Variants in PACS1 observed in about 807,000 individuals in gnomAD.
PACS1 encodes the protein PACS-1.
PACS1 carries 24 observed loss-of-function variants against 115.0 expected under a neutral mutation model. The ratio of observed to expected loss-of-function variants is 0.21; its 90% CI spans 0.15 to 0.29. The LOEUF is 0.29. PACS1 is among the 10% of genes least tolerant of loss of function. The pLI, the probability that PACS1 is intolerant of heterozygous loss-of-function variation, is 1.00. For synonymous variants in PACS1, 453 were observed against 504.5 expected (o/e 0.90, Z 1.37); for missense variants, 838 against 1,251.2 (o/e 0.67, Z 4.98).
At chr11:66,208,883 A>G (rs1329469840) in intron 2 of PACS1, among the ~76,000 whole-genome samples, 1 of 152,198 alleles carries the variant, frequency 6.6e-6, no homozygotes. Flanking sequence ...TGCTTCAACA[A>G]TGAATGAATT....
intron 1 of PACS1, among the ~76,000 whole-genome samples, chr11:66,143,044 G>C (rs1452622142): frequency 1.3e-5 from 2 of 152,002 alleles, no homozygotes; most frequent in Non-Finnish European, 2.9e-5. Flanking sequence ...CAGTGAAAGA[G>C]GCTATTTTTC....
chr11:66,142,401 C>T (rs1017919878), intron 1 of PACS1, among the ~76,000 whole-genome samples: 1 of 152,104 alleles, frequency 6.6e-6, no homozygotes, highest in South Asian at 2.1e-4. Flanking sequence ...TCACTGCAAC[C>T]GCCACCTGAT....
intron 1 of PACS1, among the ~76,000 whole-genome samples, chr11:66,129,261 G>C (rs1320463463): frequency 2.0e-5 from 3 of 151,356 alleles, no homozygotes; most frequent in Non-Finnish European, 4.4e-5. Flanking sequence ...GTGAAACCCT[G>C]TCTCTACTGA....
At chr11:66,125,529 G>C (rs1483731324) in intron 1 of PACS1, among the ~76,000 whole-genome samples, 1 of 152,156 alleles carries the variant, frequency 6.6e-6, no homozygotes, top group Non-Finnish European at 1.5e-5. Flanking sequence ...TCTGGATTCA[G>C]AGTGATTTTC....
intron 4 of PACS1, among the ~76,000 whole-genome samples, chr11:66,211,970 T>C (rs2134701649): frequency 6.6e-6 from 1 of 152,310 alleles, no homozygotes; most frequent in South Asian, 2.1e-4. Flanking sequence ...CTTTTTTGAA[T>C]ACTCCTCAGT....
chr11:66,217,308 C>T, intron 7 of PACS1: 1 of 315,088 alleles, frequency 3.2e-6, no homozygotes, highest in Non-Finnish European at 6.2e-6. Context: ...TACTTTTCCT[C>T]CATAAGACTT....
chr11:66,113,828 A>G (rs1363786609), intron 1 of PACS1, among the ~76,000 whole-genome samples: 6 of 152,112 alleles, frequency 3.9e-5, no homozygotes, highest in Non-Finnish European at 1.5e-5. Context: ...TCCTCCCTTT[A>G]GTTCACAGAA....
rs757141627 is a variant in PACS1 at position 66,221,154 on chromosome 11, G to A, written c.1200G>A (p.Lys400=). 9.3e-6 allele frequency: 15 copies of A among 1,613,904 alleles called. No homozygotes were observed. In the African/African-American group the frequency reaches 2.0e-4, roughly 22 times the overall value. Reference sequence around the variant, plus strand: ...ACCCTGGCTGTGCTCTTCACCACAGGCCTTTCTTTGAGGGGATGTCGCAGT... The same window carrying A: ...ACCCTGGCTGTGCTCTTCACCACAGACCTTTCTTTGAGGGGATGTCGCAGT... The part of the protein sequence containing the change: ...SILSTPKPKL[K]PFFEGMSQSS... Residue 400 remains lysine (K), a splice_region_variant and synonymous_variant, in exon 10 of 24, where the codon AAG becomes AAA. Transcript: ENST00000320580.
At chr11:66,216,084 A>G in intron 4 of PACS1, 35 bp from the exon 5 acceptor site, 1 of 1,611,282 alleles carries the variant, frequency 6.2e-7, no homozygotes, top group Non-Finnish European at 8.5e-7. Flanking sequence ...GTGCCTCTGT[A>G]GTAACACGCC....
intron 1 of PACS1, among the ~76,000 whole-genome samples, chr11:66,177,446 C>T (rs1859893476): frequency 1.3e-5 from 2 of 152,152 alleles, no homozygotes; most frequent in Non-Finnish European, 2.9e-5. Flanking sequence ...CCGTCTTGGC[C>T]TCCCATAGTG....
At chr11:66,098,664 T>G (rs1374221499) in intron 1 of PACS1, among the ~76,000 whole-genome samples, 2 of 152,352 alleles carry the variant, frequency 1.3e-5, no homozygotes, top group East Asian at 3.9e-4. Context: ...ATCTCATTTC[T>G]GTTTTGTCCC....
At chr11:66,185,770 C>T (rs1854349240) in intron 1 of PACS1, among the ~76,000 whole-genome samples, 1 of 152,258 alleles carries the variant, frequency 6.6e-6, no homozygotes, top group Non-Finnish European at 1.5e-5. Flanking sequence ...CCAGGGTTTC[C>T]TGATAGGGCA....
At chr11:66,141,468 A>C (rs1198631937) in intron 1 of PACS1, among the ~76,000 whole-genome samples, 1 of 152,010 alleles carries the variant, frequency 6.6e-6, no homozygotes, top group Admixed American at 6.6e-5. Context: ...AGCCTGACCA[A>C]CATGGTAGAA....
In PACS1 at chr11:66,070,834, C is replaced by T. The variant is rs1459543851; in HGVS notation, c.348C>T (p.Cys116=). 3.0e-5 allele frequency: 45 copies of T among 1,489,786 alleles called. No homozygotes were observed. Among genetic ancestry groups the T allele is most frequent in the Non-Finnish European group, 3.8e-5 (43 of 1,126,720 alleles). The allele number at this position is 1,489,786 out of a possible 1,614,324, so 92.3% of individuals were successfully genotyped here. ...AGGTGGACCGGAGCTCGTCCAGCTGCGTGCCTAGGTGAGCGCGGGAGGGTG... is the reference window on the plus strand; with the variant it reads ...AGGTGGACCGGAGCTCGTCCAGCTGTGTGCCTAGGTGAGCGCGGGAGGGTG... ...TWEVDRSSSS[C]VPRLFSLTLK... The change falls in exon 1 of 24, where the codon TGC becomes TGT. Residue 116 remains cysteine, a synonymous_variant. Coordinates refer to ENST00000320580, the MANE Select transcript of PACS1 (RefSeq NM_018026.4). The surrounding 1 kb of genome is among the most constrained non-coding windows in gnomAD (Gnocchi z 5.9).
rs1448171403 is a variant in PACS1 at position 66,220,715 on chromosome 11, A to T, written c.1123A>T (p.Met375Leu). ...GGATGAATTGTATGACAGTCTGGAG[A>T]TGTACAACCCCAGCGACAGTGGCCC... ...DLDELYDSLE[M>L]YNPSDSGPEM... The change falls in exon 9 of 24, where the codon ATG (methionine) becomes TTG (leucine). Residue 375 changes from methionine (M) to leucine (L), a missense_variant. By Grantham distance (15) the Met-to-Leu change is conservative. This residue lies in a region of PACS1 where 223 missense variants were observed against 354.0 expected (regional missense o/e 0.63). Coordinates refer to ENST00000320580, the MANE Select transcript of PACS1 (RefSeq NM_018026.4). 6 of 1,613,908 alleles carry T rather than the reference A, an allele frequency of 3.7e-6. No homozygotes were observed. In the East Asian group the frequency reaches 6.7e-5, roughly 18 times the overall value.
chr11:66,213,831 A>G (rs1032352332), intron 4 of PACS1, among the ~76,000 whole-genome samples: 5 of 152,148 alleles, frequency 3.3e-5, no homozygotes, highest in African/African-American at 9.7e-5. Context: ...CAGGAGATCG[A>G]AACCATCCTG....
At chr11:66,176,276 A>G (rs1565134863) in intron 1 of PACS1, among the ~76,000 whole-genome samples, 1 of 152,150 alleles carries the variant, frequency 6.6e-6, no homozygotes, top group Non-Finnish European at 1.5e-5. Context: ...TTGTTCCCAT[A>G]TTTATGTACA....
chr11:66,180,361 T>G (rs1859976559), intron 1 of PACS1, among the ~76,000 whole-genome samples: 1 of 149,166 alleles, frequency 6.7e-6, no homozygotes, highest in Non-Finnish European at 1.5e-5. Context: ...CTTTTTTTTT[T>G]GTGTGTGTGT....
rs1857299479 is a variant in PACS1, at chr11:66,070,994, C to T, written c.356+152C>T. On this transcript the variant is annotated intron_variant, in intron 1 of 23. Coordinates refer to ENST00000320580, the MANE Select transcript of PACS1 (RefSeq NM_018026.4). The surrounding 1 kb of genome is among the most constrained non-coding windows in gnomAD (Gnocchi z 5.9). ...GCTCCAGCCAGGCCTCCCGGGACTC[C>T]TGCCACGGGGACCCGCCCTCTCCTG... 4 of 782,190 alleles carry T rather than the reference C, an allele frequency of 5.1e-6. No individual in the cohort carries two copies. The highest frequency in any genetic ancestry group is 7.2e-6 in the Non-Finnish European group (4 of 552,714). 48.5% of individuals were successfully genotyped at this position (782,190 alleles called of 1,614,324 possible). A position where few individuals can be genotyped will look rare whatever the true frequency, so the allele number is the denominator to read the frequency against.
Sources: allele counts gnomAD v4.1 joint callset (sites outside exome capture counted in the v4.1 genomes callset), GRCh38; gene constraint gnomAD v4.1.1; regional missense constraint gnomAD v4.1.1; non-coding constraint Gnocchi (gnomAD v3.1); transcripts MANE v1.5; gene names NCBI Gene and HGNC (gene_info 2026-07-23, HGNC 2026-07-21).